The following HSPA4 variants were observed in gnomAD, a reference collection of about 807,000 sequenced individuals.
HSPA4 encodes heat shock 70 kDa protein 4.
HSPA4 carries 25 observed loss-of-function variants against 106.2 expected under a neutral mutation model. That is an observed-to-expected ratio of 0.24 (90% CI 0.17 to 0.33). The LOEUF (loss-of-function observed/expected upper bound fraction) is 0.33. Ranked by LOEUF, HSPA4 falls within the 10% of genes least tolerant of loss-of-function variation. The probability of loss-of-function intolerance (pLI) is 1.00; values close to 1 mark genes in which losing one functional copy is unlikely to be tolerated. For missense variants in HSPA4, 841 were observed against 996.0 expected (o/e 0.84, Z 2.10); for synonymous variants, 332 against 333.6 (o/e 1.00, Z 0.05).
Position 133,097,303 on chromosome 5 carries a change from A to C in HSPA4, c.1929+17A>C, listed in dbSNP as rs1229134709. The C allele has an allele frequency of 6.2e-7, 1 of 1,608,452 alleles. No homozygotes were observed. The highest frequency in any genetic ancestry group is 1.7e-5 in the Admixed American group (1 of 59,988). The stretch of plus-strand genomic sequence containing the variant: ...AGTGAAGATGTAAGTCTGCCACAAT[A>C]TGCCTAACTACTGTGTGTCTTCTGT... On this transcript the variant is annotated intron_variant, in intron 15 of 18. Coordinates refer to ENST00000304858, the MANE Select transcript of HSPA4 (RefSeq NM_002154.4).
chr5:133,065,301 A>G (rs1439732988), intron 2 of HSPA4, among the ~76,000 whole-genome samples: 1 of 152,244 alleles, frequency 6.6e-6, no homozygotes, highest in Non-Finnish European at 1.5e-5. Flanking sequence ...AATGAAAACA[A>G]TCCAGTGTAA....
chr5:133,079,333 C>T (rs1458088250), intron 7 of HSPA4, among the ~76,000 whole-genome samples: 1 of 152,124 alleles, frequency 6.6e-6, no homozygotes, highest in East Asian at 1.9e-4. Flanking sequence ...GATCAACAGC[C>T]TGTTTTCTGT....
chr5:133,082,586 C>G (rs1023017994), intron 7 of HSPA4, among the ~76,000 whole-genome samples: 1 of 152,112 alleles, frequency 6.6e-6, no homozygotes, highest in Non-Finnish European at 1.5e-5. Context: ...CCACCTCAGA[C>G]CCCCAAGTAG....
chr5:133,069,182 T>C (rs918235240), intron 3 of HSPA4, among the ~76,000 whole-genome samples: 2 of 152,300 alleles, frequency 1.3e-5, no homozygotes, highest in South Asian at 2.1e-4. Flanking sequence ...GTAACTGTTA[T>C]CACATTTGCA....
chr5:133,105,142 T>TA lies in HSPA4; in HGVS notation c.*709dup, dbSNP rs762843022. ...CATGAATACCCCAAGCATCAAGGTC[T>TA]AAATAATTTTCAGAAGATTAGAATT... is the stretch of plus-strand genomic sequence containing the variant. On this transcript the variant is annotated 3_prime_UTR_variant, in exon 19 of 19. Coordinates refer to ENST00000304858, the MANE Select transcript of HSPA4 (RefSeq NM_002154.4). 4 of 152,242 alleles carry TA rather than the reference T, an allele frequency of 2.6e-5. No homozygotes were observed. The highest frequency in any genetic ancestry group is 4.4e-5 in the Non-Finnish European group (3 of 68,034). The allele number at this position is 152,242 out of a possible 1,614,324, so 9.4% of individuals were successfully genotyped here.
At chr5:133,092,605 TCAG>T in intron 12 of HSPA4, 92 bp from the exon 13 acceptor site, 1 of 832,732 alleles carries the variant, frequency 1.2e-6, no homozygotes, top group South Asian at 1.5e-5. Context: ...TGCTGGTAAT[TCAG>T]CAGGAATTAC....
Position 133,089,701 on chromosome 5 carries a change from T to G in HSPA4, c.1378+6T>G. Reference sequence around the variant, plus strand: ...CTATCCAGATCCTGCTATAGGTAAGTAAAGAGTTGGAAATTAAAAAAGAAA... The same window carrying G: ...CTATCCAGATCCTGCTATAGGTAAGGAAAGAGTTGGAAATTAAAAAAGAAA... On this transcript the variant is annotated splice_donor_region_variant and intron_variant, in intron 11 of 18. Transcript: ENST00000304858. 1 of 1,498,246 alleles carries G rather than the reference T, an allele frequency of 6.7e-7. No individual in the cohort carries two copies. Among genetic ancestry groups the G allele is most frequent in the Non-Finnish European group, 8.9e-7 (1 of 1,123,392 alleles). 92.8% of individuals were successfully genotyped at this position (1,498,246 alleles called of 1,614,324 possible).
intron 16 of HSPA4, 157 bp from the exon 17 acceptor site, chr5:133,101,602 C>A: frequency 1.6e-6 from 1 of 637,106 alleles, no homozygotes; most frequent in Non-Finnish European, 2.6e-6. Flanking sequence ...TCATTCCCCT[C>A]CTGAAGTAGC....
chr5:133,073,052 C>A (rs73264419), intron 4 of HSPA4, among the ~76,000 whole-genome samples, 178 bp from the exon 5 acceptor site: 2 of 152,060 alleles, frequency 1.3e-5, no homozygotes, highest in South Asian at 4.1e-4. Context: ...GGTAATGGTA[C>A]GGCTATTTGT....
intron 1 of HSPA4, among the ~76,000 whole-genome samples, chr5:133,063,316 G>C (rs1377422814): frequency 2.0e-5 from 3 of 149,252 alleles, no homozygotes; most frequent in Non-Finnish European, 4.4e-5. Context: ...ACAGGGTTTC[G>C]CCATGCTGCC....
chr5:133,065,137 C>G, intron 2 of HSPA4, 100 bp downstream of exon 2: 1 of 934,300 alleles, frequency 1.1e-6, no homozygotes, highest in South Asian at 1.4e-5. Context: ...ACTGGTAGGC[C>G]TTGGGAATAC....
chr5:133,068,626 T>C (rs2126699087), intron 3 of HSPA4, among the ~76,000 whole-genome samples: 1 of 152,314 alleles, frequency 6.6e-6, no homozygotes, highest in East Asian at 1.9e-4. Flanking sequence ...AATTAAAGAA[T>C]GATGACTGGG....
rs144576995 is a variant in HSPA4, at chr5:133,104,404, G to T, written c.2491G>T (p.Asp831Tyr). The T allele has an allele frequency of 1.2e-6, 2 of 1,614,186 alleles. No homozygotes were observed. The highest frequency in any genetic ancestry group is 2.2e-5 in the South Asian group (2 of 91,082). The change falls in exon 19 of 19, where the codon GAC becomes TAC. Residue 831 changes from aspartate to tyrosine, a missense_variant. Coordinates refer to ENST00000304858, the MANE Select transcript of HSPA4 (RefSeq NM_002154.4). ...GTDTAVPSDSDKKLPEMDID is the reference protein window; with the variant it reads ...GTDTAVPSDSYKKLPEMDID ...AGACACAGCTGTGCCTTCGGATTCA[G>T]ACAAGAAGCTTCCTGAAATGGACAT...
chr5:133,103,374 CT>C (rs113278830), intron 17 of HSPA4, among the ~76,000 whole-genome samples: 167 of 143,720 alleles, frequency 1.2e-3, no homozygotes, highest in Non-Finnish European at 1.1e-3. Flanking sequence ...CCTTCTTCTT[CT>C]TTTTTTTTTT....
Position 133,090,304 on chromosome 5 carries a change from G to A in HSPA4, c.1378+609G>A, listed in dbSNP as rs539124810. On this transcript the variant is annotated intron_variant, in intron 11 of 18. Coordinates refer to ENST00000304858, the MANE Select transcript of HSPA4 (RefSeq NM_002154.4). ...AAATTAGCCAGGTGTGGTGGCGGGCGCCTGTAATCCCAGCTACTTGGGAGG... is the reference window on the plus strand; with the variant it reads ...AAATTAGCCAGGTGTGGTGGCGGGCACCTGTAATCCCAGCTACTTGGGAGG... Among the ~76,000 whole-genome samples the A allele has an allele frequency of 5.3e-5, 8 of 151,882 alleles. No individual in the cohort carries two copies. In the South Asian group the frequency reaches 1.5e-3, roughly 28 times the overall value.
At chr5:133,063,898 A>G (rs976726867) in intron 1 of HSPA4, among the ~76,000 whole-genome samples, 5 of 151,696 alleles carry the variant, frequency 3.3e-5, no homozygotes, top group African/African-American at 1.2e-4. Context: ...AGTAGGTGGG[A>G]TTACAGGCAC....
chr5:133,072,491 C>T (rs1023348636), intron 4 of HSPA4, among the ~76,000 whole-genome samples: 18 of 151,006 alleles, frequency 1.2e-4, no homozygotes, highest in African/African-American at 3.4e-4. Flanking sequence ...CTTCCACCTC[C>T]CAGGTTCAAG....
chr5:133,074,153 A>G (rs753071388), intron 6 of HSPA4, 27 bp downstream of exon 6: 1 of 1,497,960 alleles, frequency 6.7e-7, no homozygotes, highest in Admixed American at 2.0e-5. Context: ...TTTCCAGAAG[A>G]CTGTTAGTAG....
In HSPA4 at chr5:133,104,303, A is replaced by C. The variant is rs1160050744; in HGVS notation, c.2390A>C (p.Gln797Pro). Reference sequence around the variant, plus strand: ...AAAGTGGAACCTCCAAAAGAGGAACAAAAAAATGCAGAGCAGAATGGACCA... The same window carrying C: ...AAAGTGGAACCTCCAAAAGAGGAACCAAAAAATGCAGAGCAGAATGGACCA... The part of the protein sequence containing the change: ...KPKVEPPKEE[Q>P]KNAEQNGPVD... Residue 797 changes from glutamine to proline, a missense_variant, in exon 19 of 19, where the codon CAA (glutamine) becomes CCA (proline). Around this residue, in one of 5 missense-constraint regions of HSPA4, gnomAD observed 328 missense variants for 372.2 expected, o/e 0.88. Transcript: ENST00000304858. 3 of 1,613,960 alleles carry C rather than the reference A, an allele frequency of 1.9e-6. No individual in the cohort carries two copies. Among genetic ancestry groups the C allele is most frequent in the East Asian group, 4.5e-5 (2 of 44,888 alleles).
Sources: allele counts gnomAD v4.1 joint callset (sites outside exome capture counted in the v4.1 genomes callset), GRCh38; gene constraint gnomAD v4.1.1; regional missense constraint gnomAD v4.1.1; transcripts MANE v1.5; gene names NCBI Gene and HGNC (gene_info 2026-07-23, HGNC 2026-07-21).